Variants in PARD3B observed in about 807,000 individuals in gnomAD.
The protein encoded by PARD3B is partitioning defective 3 homolog B.
A neutral mutation model predicts 130.2 loss-of-function variants in PARD3B; 103 were observed. The observed-to-expected ratio is 0.79, with a 90% CI of 0.67 to 0.93. The LOEUF is 0.93. Ranked by LOEUF, PARD3B falls within the 40% of genes least tolerant of loss-of-function variation. The pLI is 0.00. For missense variants in PARD3B, 1,609 were observed against 1,499.2 expected (o/e 1.07, Z -1.21); for synonymous variants, 583 against 553.2 (o/e 1.05, Z -0.76).
intron 22 of PARD3B, among the ~76,000 whole-genome samples, chr2:205,561,378 G>A (rs2053129975): frequency 6.6e-6 from 1 of 152,164 alleles, no homozygotes. Context: ...TCAATGAAAA[G>A]TTGAGAATCA....
intron 2 of PARD3B, among the ~76,000 whole-genome samples, chr2:204,795,654 C>A (rs1023799648): frequency 2.0e-5 from 3 of 152,162 alleles, no homozygotes; most frequent in African/African-American, 4.8e-5. Context: ...CAGGTTAGAT[C>A]ATTGGAGAAC....
At chr2:204,830,860 A>C (rs534785019) in intron 2 of PARD3B, among the ~76,000 whole-genome samples, 14 of 152,304 alleles carry the variant, frequency 9.2e-5, no homozygotes, top group Admixed American at 8.5e-4. Context: ...TCAGAAGATC[A>C]TTGTCCCATT....
At chr2:204,925,564 A>G (rs1687543708) in intron 2 of PARD3B, among the ~76,000 whole-genome samples, 1 of 138,564 alleles carries the variant, frequency 7.2e-6, no homozygotes, top group Non-Finnish European at 1.7e-5. Flanking sequence ...ATGAACAGGA[A>G]TTACGGCAAG....
chr2:204,720,517 A>G (rs772737530), intron 2 of PARD3B, among the ~76,000 whole-genome samples: 1 of 152,200 alleles, frequency 6.6e-6, no homozygotes, highest in Non-Finnish European at 1.5e-5. Flanking sequence ...AACAATTTCC[A>G]TTGTAATATG....
Position 205,550,471 on chromosome 2 carries a change from A to G in PARD3B, c.3181-2853A>G, listed in dbSNP as rs2106485598. 6.6e-6 allele frequency among the ~76,000 whole-genome samples: 1 copy of G among 152,330 alleles called. No individual in the cohort carries two copies. On this transcript the variant is annotated intron_variant, in intron 21 of 22. Transcript: ENST00000406610. The surrounding 1 kb of genome is among the most constrained non-coding windows in gnomAD (Gnocchi z 4.5). Reference sequence around the variant, plus strand: ...ATATACACAATTAGTGAAGGACAGAATAATTTCTTATGTGCAAGCTTGCTG... The same window carrying G: ...ATATACACAATTAGTGAAGGACAGAGTAATTTCTTATGTGCAAGCTTGCTG...
At chr2:205,232,405 A>C (rs1442312359) in intron 15 of PARD3B, among the ~76,000 whole-genome samples, 1 of 152,202 alleles carries the variant, frequency 6.6e-6, no homozygotes, top group African/African-American at 2.4e-5. Context: ...ACTGTACTCC[A>C]ACTTGGGTAG....
intron 6 of PARD3B, among the ~76,000 whole-genome samples, chr2:205,117,938 T>TACACACACACACACACACACACATA (rs1366473096): frequency 2.8e-5 from 3 of 107,694 alleles, no homozygotes; most frequent in Admixed American, 8.5e-5. Flanking sequence ...CACACACACA[T>TACACACACACACACACACACACATA]ACACACACAC....
chr2:204,986,101 C>CAAA (rs371839271), intron 3 of PARD3B, among the ~76,000 whole-genome samples: 516 of 50,162 alleles, frequency 0.01, 13 homozygotes, highest in Middle Eastern at 0.029. Context: ...ACTCTGTCTC[C>CAAA]AAAAAAAAAA....
intron 2 of PARD3B, among the ~76,000 whole-genome samples, chr2:204,954,169 A>T (rs1352858117): frequency 6.6e-6 from 1 of 152,218 alleles, no homozygotes; most frequent in Non-Finnish European, 1.5e-5. Context: ...GATATAGAGC[A>T]ATTAGAAGCT....
intron 10 of PARD3B, among the ~76,000 whole-genome samples, chr2:205,132,804 G>T (rs1182164256): frequency 3.3e-5 from 5 of 152,126 alleles, no homozygotes; most frequent in Non-Finnish European, 2.9e-5. Flanking sequence ...CACCTACCTT[G>T]TAGGGTTGTG....
chr2:205,288,045 C>T lies in PARD3B; in HGVS notation c.2186-12485C>T, dbSNP rs1374583637. On this transcript the variant is annotated intron_variant, in intron 16 of 22. Transcript: ENST00000406610. The surrounding 1 kb of genome is among the most constrained non-coding windows in gnomAD (Gnocchi z 4.0). ...TTGCCACCTCATTTATTTTGTGTGT[C>T]CCCATGTTATTAGTTTTACTGCCCA... Among the ~76,000 whole-genome samples, 2 of 152,084 alleles carry T rather than the reference C, an allele frequency of 1.3e-5. No individual in the cohort carries two copies. The highest frequency in any genetic ancestry group is 4.8e-5 in the African/African-American group (2 of 41,410).
chr2:204,867,310 G>A (rs2045464337), intron 2 of PARD3B, among the ~76,000 whole-genome samples: 1 of 152,146 alleles, frequency 6.6e-6, no homozygotes, highest in Admixed American at 6.5e-5. Flanking sequence ...AATTCTTTCT[G>A]GTTTGTTATA....
At chr2:205,515,644 GTTGT>G (rs1428551318) in intron 21 of PARD3B, among the ~76,000 whole-genome samples, 1 of 151,428 alleles carries the variant, frequency 6.6e-6, no homozygotes, top group Non-Finnish European at 1.5e-5. Context: ...TTTTAATGGG[GTTGT>G]TTTTCTCTTG....
At chr2:205,514,215 G>A (rs2050700497) in intron 21 of PARD3B, among the ~76,000 whole-genome samples, 1 of 152,058 alleles carries the variant, frequency 6.6e-6, no homozygotes, top group African/African-American at 2.4e-5. Context: ...CAATTAGTTG[G>A]TCACTCTTAT....
intron 2 of PARD3B, among the ~76,000 whole-genome samples, chr2:204,867,547 T>G (rs1184024467): frequency 6.6e-6 from 1 of 152,206 alleles, no homozygotes; most frequent in Non-Finnish European, 1.5e-5. Flanking sequence ...ATCTTATAAC[T>G]TCAGCTCCCT....
chr2:204,617,818 T>C (rs897753501), intron 1 of PARD3B, among the ~76,000 whole-genome samples: 3 of 152,218 alleles, frequency 2.0e-5, no homozygotes, highest in African/African-American at 7.2e-5. Flanking sequence ...GTTCCTGTGT[T>C]AAGTTGCTTA....
chr2:205,472,722 A>G (rs1031472481), intron 20 of PARD3B, among the ~76,000 whole-genome samples: 5 of 152,186 alleles, frequency 3.3e-5, no homozygotes, highest in African/African-American at 1.2e-4. Context: ...CAGGTTCTGT[A>G]GTACACCATT....
intron 2 of PARD3B, among the ~76,000 whole-genome samples, chr2:204,868,213 C>A (rs76702271): frequency 0.021 from 3,246 of 152,224 alleles, 88 homozygotes; most frequent in East Asian, 0.15. Context: ...GTCAGTGAAT[C>A]TGAGATATTT....
chr2:205,531,501 T>C lies in PARD3B; in HGVS notation c.3181-21823T>C, dbSNP rs145819724. On this transcript the variant is annotated intron_variant, in intron 21 of 22. Coordinates refer to ENST00000406610, the MANE Select transcript of PARD3B (RefSeq NM_001302769.2). Reference sequence around the variant, plus strand: ...TGCATTTATTAAGAAATGTTCTTGCTCTCTAAATCCAATTCATTAGTTTCC... The same window carrying C: ...TGCATTTATTAAGAAATGTTCTTGCCCTCTAAATCCAATTCATTAGTTTCC... Among the ~76,000 whole-genome samples, 71 of 152,308 alleles carry C rather than the reference T, an allele frequency of 4.7e-4. 1 individual carries two copies. In the East Asian group the frequency reaches 0.013, roughly 27 times the overall value.
Sources: allele counts gnomAD v4.1 joint callset (sites outside exome capture counted in the v4.1 genomes callset), GRCh38; gene constraint gnomAD v4.1.1; non-coding constraint Gnocchi (gnomAD v3.1); transcripts MANE v1.5; gene names NCBI Gene and HGNC (gene_info 2026-07-23, HGNC 2026-07-21).